The following LRP1B variants were observed in gnomAD, a reference collection of about 807,000 sequenced individuals.
The protein encoded by LRP1B is low-density lipoprotein receptor-related protein 1B.
In LRP1B, 217 loss-of-function variants were observed where a neutral mutation model predicts 556.6. The ratio of observed to expected loss-of-function variants is 0.39; its 90% CI spans 0.35 to 0.44. The LOEUF is 0.44. Among genes scored for constraint, LRP1B ranks in the 20% least tolerant of loss-of-function variants. LRP1B has a pLI of 1.00. For synonymous variants in LRP1B, 2,047 were observed against 1,865.8 expected, an observed-to-expected ratio of 1.10 and a Z score of -2.50; for missense variants, 5,053 against 5,620.8, an observed-to-expected ratio of 0.90 and a Z score of 3.23.
chr2:140,610,219 T>C (rs1309499057), intron 41 of LRP1B, among the ~76,000 whole-genome samples: 4 of 152,194 alleles, frequency 2.6e-5, no homozygotes, highest in Non-Finnish European at 4.4e-5. Flanking sequence ...TGTCTCACCC[T>C]ACTGGAATGA....
At chr2:140,689,983 A>G (rs1686181345) in intron 41 of LRP1B, among the ~76,000 whole-genome samples, 1 of 152,170 alleles carries the variant, frequency 6.6e-6, no homozygotes, top group Non-Finnish European at 1.5e-5. Context: ...TCTCAATATA[A>G]AACTTTCCAT....
At chr2:140,386,440 G>A (rs746781866) in intron 66 of LRP1B, among the ~76,000 whole-genome samples, 4 of 152,122 alleles carry the variant, frequency 2.6e-5, no homozygotes, top group Non-Finnish European at 5.9e-5. Context: ...TTGTCATCTT[G>A]TCTTTCTCCC....
intron 2 of LRP1B, among the ~76,000 whole-genome samples, chr2:141,481,589 A>G (rs573166749): frequency 3.9e-5 from 6 of 152,176 alleles, no homozygotes; most frequent in Non-Finnish European, 8.8e-5. Context: ...AAATAAGCCT[A>G]CCTCGTAGGG....
chr2:140,776,107 C>T lies in LRP1B; in HGVS notation c.5491G>A (p.Ala1831Thr), dbSNP rs1221910922. Residue 1831 changes from alanine (A) to threonine (T), a missense_variant, in exon 33 of 91, where the codon GCA (alanine) becomes ACA (threonine). By Grantham distance (58) the Ala-to-Thr change is moderately conservative. Coordinates refer to ENST00000389484, the MANE Select transcript of LRP1B (RefSeq NM_018557.3). ...VVHMKVYDKEAQQGSNSCQLN... is the reference protein window; with the variant it reads ...VVHMKVYDKETQQGSNSCQLN... ...CATTAGTGTGATTTACCTTGCTGTG[C>T]TTCTTTATCATAGACTTTCATATGA... 2 of 1,563,188 alleles carry T rather than the reference C, an allele frequency of 1.3e-6. No homozygotes were observed. Among genetic ancestry groups the T allele is most frequent in the South Asian group, 1.2e-5 (1 of 84,014 alleles).
chr2:140,317,831 C>T (rs1684593132), intron 82 of LRP1B, among the ~76,000 whole-genome samples: 1 of 152,036 alleles, frequency 6.6e-6, no homozygotes, highest in South Asian at 2.1e-4. Context: ...GTTACTATAA[C>T]GTGCCTCATT....
intron 6 of LRP1B, among the ~76,000 whole-genome samples, chr2:141,225,482 G>T (rs1434959605): frequency 3.3e-5 from 5 of 151,932 alleles, no homozygotes; most frequent in Non-Finnish European, 5.9e-5. Context: ...TGTTATTTTG[G>T]GTATCTGTGT....
At chr2:140,872,388 T>TTTTTTTTA (rs70991113) in intron 25 of LRP1B, among the ~76,000 whole-genome samples, 3 of 132,172 alleles carry the variant, frequency 2.3e-5, no homozygotes, top group Non-Finnish European at 3.3e-5. Context: ...TTTTTTTTTT[T>TTTTTTTTA]ACTAAAGTAG....
intron 1 of LRP1B, among the ~76,000 whole-genome samples, chr2:142,095,330 C>T (rs887758124): frequency 6.6e-6 from 1 of 151,606 alleles, no homozygotes; most frequent in Non-Finnish European, 1.5e-5. Context: ...CTGTGATATG[C>T]TATTACTGTA....
rs772600604 is a variant in LRP1B, at chr2:141,810,250, C to G, written c.205+29G>C. 2.5e-6 allele frequency: 4 copies of G among 1,609,174 alleles called. No individual in the cohort carries two copies. In the South Asian group the frequency reaches 4.4e-5, roughly 18 times the overall value. On this transcript the variant is annotated intron_variant, in intron 2 of 90. Coordinates refer to ENST00000389484, the MANE Select transcript of LRP1B (RefSeq NM_018557.3). Reference sequence around the variant, plus strand: ...ATTTAGTTTCACATGTAAGGTAAATCCGAATGGCATGAGAACCTTTCTACT... The same window carrying G: ...ATTTAGTTTCACATGTAAGGTAAATGCGAATGGCATGAGAACCTTTCTACT...
chr2:140,553,477 T>C (rs917117606), intron 43 of LRP1B, among the ~76,000 whole-genome samples: 2 of 151,646 alleles, frequency 1.3e-5, no homozygotes, highest in Non-Finnish European at 2.9e-5. Flanking sequence ...ATATTGAATA[T>C]TCTATTTCTT....
chr2:140,235,458 G>A (rs1470058895), intron 89 of LRP1B, among the ~76,000 whole-genome samples: 4 of 151,002 alleles, frequency 2.6e-5, no homozygotes, highest in Non-Finnish European at 4.5e-5. Flanking sequence ...TGATTATTAA[G>A]GTTGCTTCAA....
intron 32 of LRP1B, among the ~76,000 whole-genome samples, chr2:140,784,774 A>G (rs1416578008): frequency 6.6e-6 from 1 of 152,064 alleles, no homozygotes; most frequent in Non-Finnish European, 1.5e-5. Context: ...AGTATAGCTG[A>G]ATTTAAAATG....
At chr2:141,557,164 T>A (rs1685988099) in intron 2 of LRP1B, among the ~76,000 whole-genome samples, 1 of 151,704 alleles carries the variant, frequency 6.6e-6, no homozygotes, top group Admixed American at 6.6e-5. Flanking sequence ...TTTTATTCTG[T>A]TCTCAACAAA....
intron 35 of LRP1B, among the ~76,000 whole-genome samples, chr2:140,764,200 C>T (rs1394868220): frequency 6.6e-6 from 1 of 152,118 alleles, no homozygotes; most frequent in Non-Finnish European, 1.5e-5. Context: ...TTGAGTGTCA[C>T]TATCTTCAAT....
chr2:141,122,499 A>C (rs1701084559), intron 7 of LRP1B, among the ~76,000 whole-genome samples: 1 of 152,170 alleles, frequency 6.6e-6, no homozygotes, highest in Non-Finnish European at 1.5e-5. Flanking sequence ...ACATGAAAAA[A>C]TGCTCATCAT....
At chr2:141,953,194 G>T (rs558758438) in intron 1 of LRP1B, among the ~76,000 whole-genome samples, 1 of 151,968 alleles carries the variant, frequency 6.6e-6, no homozygotes, top group Non-Finnish European at 1.5e-5. Context: ...ATGAGAGTCA[G>T]ATTTTGTAAT....
chr2:140,673,615 C>A (rs890214166), intron 41 of LRP1B, among the ~76,000 whole-genome samples: 6 of 152,150 alleles, frequency 3.9e-5, no homozygotes, highest in Non-Finnish European at 7.3e-5. Context: ...CAACCTCTAC[C>A]CAGTACCCAA....
chr2:141,501,354 A>G (rs1262765588), intron 2 of LRP1B, among the ~76,000 whole-genome samples: 1 of 152,148 alleles, frequency 6.6e-6, no homozygotes, highest in African/African-American at 2.4e-5. Context: ...GAGATTCTGG[A>G]GAATTAAAGT....
intron 3 of LRP1B, among the ~76,000 whole-genome samples, chr2:141,331,522 C>CTTTCTCTTTCTTTCTTTCTTTCTT (rs10694161): frequency 5.0e-5 from 7 of 140,718 alleles, no homozygotes; most frequent in Non-Finnish European, 6.1e-5. Context: ...TTCTTTCTTT[C>CTTTCTCTTTCTTTCTTTCTTTCTT]TCTTTCTTTC....
Sources: allele counts gnomAD v4.1 joint callset (sites outside exome capture counted in the v4.1 genomes callset), GRCh38; gene constraint gnomAD v4.1.1; transcripts MANE v1.5; gene names NCBI Gene and HGNC (gene_info 2026-07-23, HGNC 2026-07-21).